Variants in LDHC observed in about 807,000 individuals in gnomAD.
The protein encoded by LDHC is lactate dehydrogenase C.
A neutral mutation model predicts 30.2 loss-of-function variants in LDHC; 20 were observed. The observed-to-expected ratio is 0.66, with a 90% CI of 0.47 to 0.96. The LOEUF is 0.96. Among genes scored for constraint, LDHC ranks in the 40% least tolerant of loss-of-function variants. The pLI is 0.00. For synonymous variants in LDHC, 139 were observed against 132.7 expected (o/e 1.05, Z -0.32); for missense variants, 362 against 394.9 (o/e 0.92, Z 0.71).
Position 18,429,403 on chromosome 11 carries a change from G to A in LDHC, c.245-334G>A, listed in dbSNP as rs531894354. ...TGGGATTACAGGCGTGAGCCACTGCGCCTGGCCTCATTTTGGTGTTTCTAA... is the reference window on the plus strand; with the variant it reads ...TGGGATTACAGGCGTGAGCCACTGCACCTGGCCTCATTTTGGTGTTTCTAA... On this transcript the variant is annotated intron_variant, in intron 3 of 7. Transcript: ENST00000541669. Among the ~76,000 whole-genome samples the A allele has an allele frequency of 4.2e-4, 64 of 152,156 alleles. 1 individual carries two copies. The highest frequency in any genetic ancestry group is 3.4e-3 in the Middle Eastern group (1 of 294).
chr11:18,417,223 G>T (rs78454952), intron 3 of LDHC, among the ~76,000 whole-genome samples: 7 of 152,024 alleles, frequency 4.6e-5, no homozygotes, highest in Non-Finnish European at 8.8e-5. Flanking sequence ...GCACACTACA[G>T]TCTTGAACTC....
rs181165429 is a variant in LDHC, at chr11:18,448,267, C to T, written c.834+1934C>T. 1.1e-4 allele frequency among the ~76,000 whole-genome samples: 16 copies of T among 151,940 alleles called. No individual in the cohort carries two copies. In the East Asian group the frequency reaches 2.9e-3, roughly 28 times the overall value. The stretch of plus-strand genomic sequence containing the variant: ...AGCCTTTACCGAACAAGTCAATGGA[C>T]ATTATATTTTAATTTAATTTTAATG... On this transcript the variant is annotated intron_variant, in intron 7 of 7. Coordinates refer to ENST00000541669, the MANE Select transcript of LDHC (RefSeq NM_017448.5).
intron 6 of LDHC, among the ~76,000 whole-genome samples, chr11:18,443,587 G>C (rs1848503515): frequency 6.6e-6 from 1 of 151,676 alleles, no homozygotes; most frequent in African/African-American, 2.4e-5. Flanking sequence ...AGCCTCCTGA[G>C]TAGCTAGGAA....
At chr11:18,422,364 G>C (rs922685572) in intron 3 of LDHC, among the ~76,000 whole-genome samples, 1 of 151,778 alleles carries the variant, frequency 6.6e-6, no homozygotes, top group Non-Finnish European at 1.5e-5. Context: ...AGATCAGCCT[G>C]GGCAACATGG....
At chr11:18,441,126 TA>T (rs552473774) in intron 6 of LDHC, among the ~76,000 whole-genome samples, 10 of 145,842 alleles carry the variant, frequency 6.9e-5, no homozygotes, top group South Asian at 2.2e-4. Flanking sequence ...CCTCATCTCT[TA>T]AAAAAAAAAC....
intron 3 of LDHC, among the ~76,000 whole-genome samples, chr11:18,426,029 ATTTT>A (rs35064545): frequency 7.5e-6 from 1 of 133,970 alleles, no homozygotes; most frequent in Non-Finnish European, 1.6e-5. Context: ...ATTAGCCACA[ATTTT>A]TTTTTTTTTT....
intron 5 of LDHC, 39 bp from the exon 6 acceptor site, chr11:18,438,489 T>C (rs1261062284): frequency 7.7e-7 from 1 of 1,297,990 alleles, no homozygotes; most frequent in Admixed American, 1.7e-5. Context: ...TGATGCCATA[T>C]TGGGAAGAAG....
intron 2 of LDHC, among the ~76,000 whole-genome samples, chr11:18,413,716 C>T (rs1866948715): frequency 6.6e-6 from 1 of 152,168 alleles, no homozygotes; most frequent in Non-Finnish European, 1.5e-5. Flanking sequence ...CTGCCTCAGC[C>T]TCCCAAAGTG....
chr11:18,414,658 T>C (rs935257045), intron 2 of LDHC, among the ~76,000 whole-genome samples: 12 of 152,180 alleles, frequency 7.9e-5, no homozygotes, highest in African/African-American at 2.9e-4. Flanking sequence ...TGAAACCCCG[T>C]CTGTACTAAA....
chr11:18,430,119 T>C (rs533225172), intron 4 of LDHC, among the ~76,000 whole-genome samples: 2 of 152,338 alleles, frequency 1.3e-5, no homozygotes, highest in East Asian at 3.9e-4. Flanking sequence ...CTGAAAGTTT[T>C]CTTGTGCCTC....
intron 3 of LDHC, among the ~76,000 whole-genome samples, chr11:18,427,922 C>T (rs1848191210): frequency 6.6e-6 from 1 of 151,926 alleles, no homozygotes; most frequent in East Asian, 1.9e-4. Context: ...AGTGTTCCAC[C>T]CATCTCTACC....
At chr11:18,447,660 A>C (rs1382896786) in intron 7 of LDHC, among the ~76,000 whole-genome samples, 2 of 152,204 alleles carry the variant, frequency 1.3e-5, no homozygotes, top group East Asian at 1.9e-4. Flanking sequence ...AATAACTAGG[A>C]GGTTAGTCCT....
chr11:18,426,086 G>A (rs1848158064), intron 3 of LDHC, among the ~76,000 whole-genome samples: 1 of 151,062 alleles, frequency 6.6e-6, no homozygotes, highest in Admixed American at 6.6e-5. Context: ...CACAATCACA[G>A]TGCACTGCAG....
At chr11:18,444,668 A>G (rs1169204731) in intron 6 of LDHC, among the ~76,000 whole-genome samples, 1 of 133,552 alleles carries the variant, frequency 7.5e-6, no homozygotes, top group African/African-American at 2.6e-5. Context: ...TTGGCAACCA[A>G]GTGTGTTATG....
At position 18,446,085 on chromosome 11, in the gene LDHC, A is replaced by G. The variant is rs966822741; in HGVS notation, c.711-125A>G. On this transcript the variant is annotated intron_variant, in intron 6 of 7. Coordinates refer to ENST00000541669, the MANE Select transcript of LDHC (RefSeq NM_017448.5). ...TGTTTATAAATTCTGTAAGAAATCTATGGGAAAATTCTAATACAATTGCAT... is the reference window on the plus strand; with the variant it reads ...TGTTTATAAATTCTGTAAGAAATCTGTGGGAAAATTCTAATACAATTGCAT... The G allele has an allele frequency of 1.6e-5, 12 of 763,164 alleles. No individual in the cohort carries two copies. The African/African-American group carries it at 1.6e-4, about 10-fold the overall frequency. The allele number at this position is 763,164 out of a possible 1,614,324, so 47.3% of individuals were successfully genotyped here. A position where few individuals can be genotyped will look rare whatever the true frequency, so the allele number is the denominator to read the frequency against.
At chr11:18,415,332 A>G in intron 3 of LDHC, 31 bp downstream of exon 3, 2 of 1,152,816 alleles carry the variant, frequency 1.7e-6, no homozygotes, top group Non-Finnish European at 2.6e-6. Flanking sequence ...GTTATTTTCA[A>G]AGCTTTTTAA....
At chr11:18,436,619 T>C (rs918678290) in intron 5 of LDHC, among the ~76,000 whole-genome samples, 1 of 151,526 alleles carries the variant, frequency 6.6e-6, no homozygotes, top group Non-Finnish European at 1.5e-5. Flanking sequence ...CCTGAGTAGC[T>C]GGGATTACGG....
intron 7 of LDHC, 63 bp from the exon 8 acceptor site, chr11:18,450,900 C>T: frequency 8.3e-7 from 1 of 1,211,612 alleles, no homozygotes; most frequent in Non-Finnish European, 1.2e-6. Flanking sequence ...CATTTTGATG[C>T]CCTTTTGCAT....
rs562539801 is a variant in LDHC, at chr11:18,432,033, C to G, written c.418+2123C>G. ...TTGGGTTTGGTTTGTTCTTGTTTCT[C>G]TAGTTCCTTGAGGTGTGACCTTAGA... On this transcript the variant is annotated intron_variant, in intron 4 of 7. Transcript: ENST00000541669. Among the ~76,000 whole-genome samples, 4 of 152,158 alleles carry G rather than the reference C, an allele frequency of 2.6e-5. No individual in the cohort carries two copies. The East Asian group carries it at 5.8e-4, about 22-fold the overall frequency.
Sources: gnomAD v4.1 joint callset for allele counts (sites outside exome capture counted in the v4.1 genomes callset) on GRCh38, gnomAD v4.1.1 for gene constraint, MANE v1.5 for transcripts, NCBI Gene and HGNC (gene_info 2026-07-23, HGNC 2026-07-21) for gene names.